Variants in FANCB observed in about 807,000 individuals in gnomAD.
FANCB encodes Fanconi anemia group B protein.
A neutral mutation model predicts 38.9 loss-of-function variants in FANCB; 5 were observed. The observed-to-expected ratio is 0.13, with a 90% confidence interval of 0.07 to 0.27. FANCB has a LOEUF of 0.27. FANCB is among the 10% of genes least tolerant of loss of function. The pLI is 1.00. For synonymous variants in FANCB, 236 were observed against 215.4 expected, an observed-to-expected ratio of 1.10 and a Z score of -0.84; for missense variants, 573 against 602.7, an observed-to-expected ratio of 0.95 and a Z score of 0.52.
the FANCB span, among the ~76,000 whole-genome samples, chrX:14,713,372 C>T: frequency 8.9e-6 from 1 of 111,987 alleles, no homozygotes; most frequent in African/African-American, 3.2e-5. Context: ...GTCTTTTGAG[C>T]ACTCTAGCTA....
chrX:14,712,182 A>G, the FANCB span, among the ~76,000 whole-genome samples: 4 of 112,689 alleles, frequency 3.5e-5, no homozygotes, highest in Admixed American at 1.9e-4. Context: ...GGGTTTCCCA[A>G]CCTTAGCACT....
At chrX:14,842,208 G>C (rs2092357234), downstream of FANCB, among the ~76,000 whole-genome samples, 1 of 111,698 alleles carries the variant, frequency 9.0e-6, no homozygotes, top group Non-Finnish European at 1.9e-5. Flanking sequence ...GGATAGAGCT[G>C]TAGAGTTCTA....
the FANCB span, among the ~76,000 whole-genome samples, chrX:14,746,715 T>C: frequency 1.8e-5 from 2 of 112,096 alleles, no homozygotes; most frequent in African/African-American, 6.5e-5. Context: ...CCAGTTACAA[T>C]CAGGAGTTAA....
the FANCB span, among the ~76,000 whole-genome samples, chrX:14,741,227 A>T: frequency 8.9e-6 from 1 of 111,826 alleles, no homozygotes; most frequent in East Asian, 2.8e-4. Context: ...AAACTTAAGT[A>T]GGTTTTGAGT....
chrX:14,860,882 A>T (rs2147434024), intron 3 of FANCB, among the ~76,000 whole-genome samples: 1 of 110,706 alleles, frequency 9.0e-6, no homozygotes, highest in East Asian at 2.8e-4. Flanking sequence ...TTTTATTGAC[A>T]GATGGATTTT....
At chrX:14,706,385 AAAAC>A in the FANCB span, among the ~76,000 whole-genome samples, 7 of 112,499 alleles carry the variant, frequency 6.2e-5, no homozygotes, top group African/African-American at 1.9e-4. Context: ...TGCACAGTCT[AAAAC>A]AAGGCATACT....
At chrX:14,819,926 A>G in the FANCB span, among the ~76,000 whole-genome samples, 3 of 111,602 alleles carry the variant, frequency 2.7e-5, no homozygotes, top group East Asian at 8.5e-4. Flanking sequence ...TTGTAGCCGG[A>G]GTACTCTCTC....
chrX:14,796,371 T>TACACACAC, the FANCB span, among the ~76,000 whole-genome samples: 5 of 98,832 alleles, frequency 5.1e-5, no homozygotes, highest in Non-Finnish European at 8.2e-5. Flanking sequence ...TGTGTATGTA[T>TACACACAC]ACACACACAC....
the FANCB span, among the ~76,000 whole-genome samples, chrX:14,817,413 A>G: frequency 1.8e-5 from 2 of 111,942 alleles, no homozygotes; most frequent in Admixed American, 1.9e-4. Flanking sequence ...TATCATTATC[A>G]GGCTTCTCCA....
the FANCB span, among the ~76,000 whole-genome samples, chrX:14,788,727 C>A: frequency 8.9e-6 from 1 of 112,201 alleles, no homozygotes. Flanking sequence ...AAATTTAGTT[C>A]CTCAGTTGCA....
the FANCB span, among the ~76,000 whole-genome samples, chrX:14,747,293 A>G: frequency 8.9e-6 from 1 of 112,544 alleles, no homozygotes; most frequent in East Asian, 2.8e-4. Flanking sequence ...AACTAATTCT[A>G]GAGTACAGAA....
At chrX:14,714,548 C>T in the FANCB span, among the ~76,000 whole-genome samples, 2 of 111,861 alleles carry the variant, frequency 1.8e-5, no homozygotes, top group African/African-American at 6.5e-5. Flanking sequence ...CATTTACAGG[C>T]TGTGGCAACA....
the FANCB span, among the ~76,000 whole-genome samples, chrX:14,712,683 T>TG: frequency 2.3e-4 from 22 of 93,989 alleles, no homozygotes; most frequent in East Asian, 6.0e-3. Flanking sequence ...GGGGAGTAAC[T>TG]GGGGGGGTTA....
At chrX:14,837,598 C>T (rs930682848) in intron 10 of FANCB, among the ~76,000 whole-genome samples, 2 of 112,458 alleles carry the variant, frequency 1.8e-5, no homozygotes, top group Non-Finnish European at 3.8e-5. Context: ...ATGTGGCCCA[C>T]ATTCTCCCTG....
intron 7 of FANCB, among the ~76,000 whole-genome samples, chrX:14,849,618 G>A (rs1179541930): frequency 8.9e-6 from 1 of 112,230 alleles, no homozygotes; most frequent in Non-Finnish European, 1.9e-5. Context: ...AGAGAATATC[G>A]TCTGTTATCA....
At chrX:14,726,611 C>T in the FANCB span, among the ~76,000 whole-genome samples, 3 of 112,341 alleles carry the variant, frequency 2.7e-5, no homozygotes, top group African/African-American at 9.7e-5. Context: ...ATTCAGCAAA[C>T]ATTTATTAAG....
At chrX:14,782,616 C>A in the FANCB span, among the ~76,000 whole-genome samples, 1 of 111,447 alleles carries the variant, frequency 9.0e-6, no homozygotes, top group Non-Finnish European at 1.9e-5. Context: ...TCTTCCTAGG[C>A]CTAAATCCGA....
intron 6 of FANCB, among the ~76,000 whole-genome samples, chrX:14,851,625 G>A (rs1218081843): frequency 1.8e-5 from 2 of 111,225 alleles, no homozygotes; most frequent in South Asian, 3.7e-4. Flanking sequence ...ACTACCTGCC[G>A]CCAGGTTTGC....
the FANCB span, among the ~76,000 whole-genome samples, chrX:14,787,888 T>C: frequency 7.0e-5 from 3 of 43,165 alleles, no homozygotes; most frequent in Non-Finnish European, 1.5e-4. Context: ...TATATATATA[T>C]ATATATATAT....
Sources: allele counts gnomAD v4.1 joint callset (sites outside exome capture counted in the v4.1 genomes callset), GRCh38; gene constraint gnomAD v4.1.1; transcripts MANE v1.5; gene names NCBI Gene and HGNC (gene_info 2026-07-23, HGNC 2026-07-21).